Variants in COL5A2 observed in about 807,000 individuals in gnomAD.
COL5A2 encodes the protein collagen alpha-2(V) chain.
In COL5A2, 23 loss-of-function variants were observed where a neutral mutation model predicts 208.2. The observed-to-expected ratio is 0.11, with a 90% CI of 0.08 to 0.16. COL5A2 has a LOEUF of 0.16. Ranked by LOEUF, COL5A2 falls within the 10% of genes least tolerant of loss-of-function variation. COL5A2 has a pLI of 1.00. For missense variants in COL5A2, 1,590 were observed against 1,956.4 expected, an observed-to-expected ratio of 0.81 and a Z score of 3.53; for synonymous variants, 625 against 628.5, an observed-to-expected ratio of 0.99 and a Z score of 0.08.
chr2:189,081,645 A>T (rs1686536549), intron 12 of COL5A2, among the ~76,000 whole-genome samples: 2 of 152,188 alleles, frequency 1.3e-5, no homozygotes, highest in Non-Finnish European at 2.9e-5. Context: ...TATTTAAAAA[A>T]CTAAATGAAT....
chr2:189,169,687 A>G lies in COL5A2; in HGVS notation c.97+9821T>C, dbSNP rs187512309. Among the ~76,000 whole-genome samples, 47 of 152,258 alleles carry G rather than the reference A, an allele frequency of 3.1e-4. No homozygotes were observed. In the East Asian group the frequency reaches 7.5e-3, roughly 24 times the overall value. ...ATCTTGGTTCTCATAATCACCCAAT[A>G]AGCATTTATTATCTCTATTATTATT... On this transcript the variant is annotated intron_variant, in intron 1 of 53. Transcript: ENST00000374866.
At chr2:189,414,908 T>C in the COL5A2 span, among the ~76,000 whole-genome samples, 2 of 152,282 alleles carry the variant, frequency 1.3e-5, no homozygotes, top group Admixed American at 6.5e-5. Flanking sequence ...TAGGCAGCGC[T>C]TCCTCCATAT....
chr2:189,260,588 C>T, the COL5A2 span, among the ~76,000 whole-genome samples: 229 of 151,434 alleles, frequency 1.5e-3, 1 homozygote, highest in African/African-American at 5.4e-3. Context: ...AAAAAACCTA[C>T]TGCCTGTGCA....
chr2:189,239,725 T>A, the COL5A2 span, among the ~76,000 whole-genome samples: 34 of 151,538 alleles, frequency 2.2e-4, no homozygotes, highest in African/African-American at 8.0e-4. Flanking sequence ...CATATGTAAC[T>A]AACCTACACA....
At chr2:189,085,506 TTAAATA>T (rs1686637024) in intron 10 of COL5A2, among the ~76,000 whole-genome samples, 1 of 152,270 alleles carries the variant, frequency 6.6e-6, no homozygotes, top group South Asian at 2.1e-4. Context: ...AAATTTAAAT[TTAAATA>T]AATAAATTTA....
chr2:189,093,451 A>G (rs1486552835), intron 6 of COL5A2, among the ~76,000 whole-genome samples: 1 of 152,196 alleles, frequency 6.6e-6, no homozygotes. Flanking sequence ...ATAGGAGCTG[A>G]TAGTGCAGAG....
intron 1 of COL5A2, among the ~76,000 whole-genome samples, chr2:189,214,672 G>GC (rs1689256643): frequency 1.3e-5 from 2 of 152,146 alleles, no homozygotes; most frequent in African/African-American, 2.4e-5. Context: ...AAAAGGGAGA[G>GC]CAGTAGGAGG....
chr2:189,283,334 A>G, the COL5A2 span, among the ~76,000 whole-genome samples: 2 of 152,048 alleles, frequency 1.3e-5, no homozygotes, highest in Non-Finnish European at 2.9e-5. Flanking sequence ...AATTTAAAGA[A>G]AAGAGAAAAC....
chr2:189,156,089 T>C (rs1312492527), intron 1 of COL5A2, among the ~76,000 whole-genome samples: 1 of 152,142 alleles, frequency 6.6e-6, no homozygotes, highest in East Asian at 1.9e-4. Context: ...TCCAAGATAA[T>C]ATCTGTATTT....
At chr2:189,345,497 A>C in the COL5A2 span, among the ~76,000 whole-genome samples, 2 of 152,164 alleles carry the variant, frequency 1.3e-5, no homozygotes, top group Admixed American at 1.3e-4. Flanking sequence ...AGCTCTGAAG[A>C]CCACTGATAT....
intron 1 of COL5A2, among the ~76,000 whole-genome samples, chr2:189,223,511 C>T (rs972700546): frequency 6.6e-6 from 1 of 152,150 alleles, no homozygotes; most frequent in Non-Finnish European, 1.5e-5. Flanking sequence ...CATGAAAAGA[C>T]ATGCACAAGA....
Position 189,066,508 on chromosome 2 carries a change from C to T in COL5A2, c.1456-11G>A, listed in dbSNP as rs1553515657. 34 of 1,613,232 alleles carry T rather than the reference C, an allele frequency of 2.1e-5. No individual in the cohort carries two copies. The highest frequency in any genetic ancestry group is 2.5e-5 in the Non-Finnish European group (30 of 1,179,202). ...AATACCATGTGGCCCCTGTTAAAAA[C>T]AGAAGGACAGTTACCAGAAAGACCC... On this transcript the variant is annotated splice_polypyrimidine_tract_variant and intron_variant, in intron 22 of 53. Coordinates refer to ENST00000374866, the MANE Select transcript of COL5A2 (RefSeq NM_000393.5).
the COL5A2 span, among the ~76,000 whole-genome samples, chr2:189,358,066 C>T: frequency 6.2e-4 from 95 of 152,280 alleles, 3 homozygotes; most frequent in South Asian, 0.02. Flanking sequence ...CACTGTCCAA[C>T]CAGTCCCAAT....
chr2:189,351,817 A>G, the COL5A2 span, among the ~76,000 whole-genome samples: 1,288 of 152,214 alleles, frequency 8.5e-3, 22 homozygotes, highest in African/African-American at 0.029. Flanking sequence ...TTTTTATTAT[A>G]GTTATTATAC....
rs1255514421 is a variant in COL5A2, at chr2:189,054,027, G to C, written c.2446-79C>G. Reference sequence around the variant, plus strand: ...TTAGGACATTGGTCACTGTGTAGGAGGAGATAGTGGAAAAGAACTCTGAAA... The same window carrying C: ...TTAGGACATTGGTCACTGTGTAGGACGAGATAGTGGAAAAGAACTCTGAAA... On this transcript the variant is annotated intron_variant, in intron 36 of 53. Transcript: ENST00000374866. The C allele has an allele frequency of 1.2e-5, 17 of 1,447,424 alleles. No individual in the cohort carries two copies. The Admixed American group carries it at 2.9e-4, about 25-fold the overall frequency. 89.7% of individuals were successfully genotyped at this position (1,447,424 alleles called of 1,614,324 possible). A position where few individuals can be genotyped will look rare whatever the true frequency, so the allele number is the denominator to read the frequency against.
At chr2:189,139,179 G>A (rs1188649508) in intron 1 of COL5A2, among the ~76,000 whole-genome samples, 1 of 152,170 alleles carries the variant, frequency 6.6e-6, no homozygotes, top group Non-Finnish European at 1.5e-5. Context: ...GGAGGCCGAG[G>A]CAGGAGAATC....
chr2:189,245,480 A>C, the COL5A2 span, among the ~76,000 whole-genome samples: 1 of 122,790 alleles, frequency 8.1e-6, no homozygotes, highest in Non-Finnish European at 1.6e-5. Context: ...GGTATACTCA[A>C]AATTTTTTTT....
At chr2:189,400,454 C>T in the COL5A2 span, among the ~76,000 whole-genome samples, 1 of 152,106 alleles carries the variant, frequency 6.6e-6, no homozygotes, top group African/African-American at 2.4e-5. Context: ...TACCCATTAA[C>T]TTTTTTCAGT....
At chr2:189,120,356 G>A (rs1391552178) in intron 1 of COL5A2, among the ~76,000 whole-genome samples, 1 of 151,874 alleles carries the variant, frequency 6.6e-6, no homozygotes, top group Non-Finnish European at 1.5e-5. Flanking sequence ...TGTATCCTGG[G>A]GCCTTTTGAA....
Sources: gnomAD v4.1 joint callset for allele counts (sites outside exome capture counted in the v4.1 genomes callset) on GRCh38, gnomAD v4.1.1 for gene constraint, MANE v1.5 for transcripts, NCBI Gene and HGNC (gene_info 2026-07-23, HGNC 2026-07-21) for gene names.